ZNF451: variants seen among roughly 807,000 people sequenced by gnomAD.
ZNF451 encodes E3 SUMO-protein ligase ZNF451.
ZNF451 carries 80 observed loss-of-function variants against 107.1 expected under a neutral mutation model. The ratio of observed to expected loss-of-function variants is 0.75; its 90% CI spans 0.62 to 0.90. The LOEUF is 0.90. ZNF451 is among the 40% of genes least tolerant of loss of function. The pLI is 0.00. For missense variants in ZNF451, 1,107 were observed against 1,236.2 expected (o/e 0.90, Z 1.57); for synonymous variants, 362 against 406.5 (o/e 0.89, Z 1.32).
rs1593138747 is a variant in ZNF451 at position 57,136,543 on chromosome 6, G to A, written c.702+1673G>A. Among the ~76,000 whole-genome samples, 2 of 152,110 alleles carry A rather than the reference G, an allele frequency of 1.3e-5. 1 individual carries two copies. The highest frequency in any genetic ancestry group is 4.1e-4 in the South Asian group (2 of 4,828). ...ACATATTGAAGAAAGAAATGATAGG[G>A]TTATCCATTTCCATGACAAATGGAA... On this transcript the variant is annotated intron_variant, in intron 7 of 14. Coordinates refer to ENST00000370706, the MANE Select transcript of ZNF451 (RefSeq NM_001031623.3).
At chr6:57,107,795 A>G (rs986148681) in intron 3 of ZNF451, 3 of 981,416 alleles carry the variant, frequency 3.1e-6, no homozygotes, top group South Asian at 4.7e-5. Flanking sequence ...ATTCCTGAGT[A>G]TATTCCTTTG....
chr6:57,105,011 T>C, intron 3 of ZNF451: 1 of 982,944 alleles, frequency 1.0e-6, no homozygotes, highest in African/African-American at 1.7e-5. Context: ...TTTTTTATTA[T>C]TTTAAAATCT....
chr6:57,156,045 A>G (rs55675628), intron 13 of ZNF451, among the ~76,000 whole-genome samples: 105 of 151,898 alleles, frequency 6.9e-4, no homozygotes, highest in Non-Finnish European at 1.2e-3. Context: ...TTTTGTATTT[A>G]TATGGTTGTA....
At chr6:57,105,792 A>G in intron 3 of ZNF451, 1 of 985,448 alleles carries the variant, frequency 1.0e-6, no homozygotes, top group Non-Finnish European at 1.2e-6. Flanking sequence ...GGTTAGAATA[A>G]GCAAGGACAT....
rs145797539 is a variant in ZNF451 at position 57,147,814 on chromosome 6, A to G, written c.1729A>G (p.Thr577Ala). 1,720 of 1,614,126 alleles carry G rather than the reference A, an allele frequency of 1.1e-3. 31 individuals carry two copies. The South Asian group carries it at 0.018, about 17-fold the overall frequency. ...TGAAACTTTGCCATCATCCTCTACA[A>G]CATTGGATAATTTGACTGCTAACAA... ...EGETLPSSST[T>A]LDNLTANKPS... The change falls in exon 10 of 15, where the codon ACA (threonine) becomes GCA (alanine). Residue 577 changes from threonine to alanine, a missense_variant. Transcript: ENST00000370706.
intron 14 of ZNF451, chr6:57,164,733 A>G (rs553510014): frequency 1.3e-5 from 2 of 152,114 alleles, no homozygotes; most frequent in Non-Finnish European, 2.9e-5. Flanking sequence ...ATGATTGGGA[A>G]CCATTTCTAT....
chr6:57,166,295 T>C (rs879661400), intron 14 of ZNF451, among the ~76,000 whole-genome samples: 12 of 152,240 alleles, frequency 7.9e-5, no homozygotes, highest in Non-Finnish European at 1.5e-4. Context: ...TCCAAAGTAC[T>C]CGGATTAAGA....
At chr6:57,151,842 T>C (rs1024770844) in intron 11 of ZNF451, 3 of 159,942 alleles carry the variant, frequency 1.9e-5, no homozygotes, top group African/African-American at 7.2e-5. Context: ...TTAGCCAGTA[T>C]AATTGCTTTA....
intron 12 of ZNF451, 63 bp from the exon 13 acceptor site, chr6:57,153,798 A>T (rs376301607): frequency 6.6e-7 from 1 of 1,523,800 alleles, no homozygotes; most frequent in East Asian, 2.2e-5. Context: ...TCTGAAATAG[A>T]TGTAACTTGT....
At chr6:57,118,502 C>T (rs934156820) in intron 3 of ZNF451, among the ~76,000 whole-genome samples, 1 of 152,010 alleles carries the variant, frequency 6.6e-6, no homozygotes. Context: ...ACCTTTCTCC[C>T]CCTTTTTTTA....
intron 12 of ZNF451, among the ~76,000 whole-genome samples, chr6:57,152,838 C>G (rs1832413564): frequency 6.6e-6 from 1 of 152,178 alleles, no homozygotes; most frequent in Admixed American, 6.5e-5. Flanking sequence ...AAGTGATCTG[C>G]CCGCCTAGGC....
intron 2 of ZNF451, among the ~76,000 whole-genome samples, chr6:57,097,838 C>G (rs1254425558): frequency 6.6e-6 from 1 of 152,080 alleles, no homozygotes; most frequent in Non-Finnish European, 1.5e-5. Flanking sequence ...CTTTCTGTTT[C>G]TGCTTTCCAA....
chr6:57,120,273 G>A (rs1830576292), intron 3 of ZNF451, among the ~76,000 whole-genome samples: 1 of 152,094 alleles, frequency 6.6e-6, no homozygotes, highest in Admixed American at 6.6e-5. Context: ...TTTTAGCATT[G>A]AATAATGTTC....
chr6:57,161,138 T>C lies in ZNF451; in HGVS notation c.3125T>C (p.Phe1042Ser). The C allele has an allele frequency of 6.5e-7, 1 of 1,533,776 alleles. No homozygotes were observed. The highest frequency in any genetic ancestry group is 2.4e-5 in the East Asian group (1 of 42,084). Residue 1042 changes from phenylalanine to serine, a missense_variant, in exon 14 of 15, where the codon TTT becomes TCT. Physicochemically the swap from Phe to Ser is radical, Grantham distance 155. Around this residue, in one of 5 missense-constraint regions of ZNF451, gnomAD observed 151 missense variants for 173.3 expected, o/e 0.87. Transcript: ENST00000370706. ...AAAAATACTTCAATAGGAGAAGAAT[T>C]TATATCCACAGAAGGTAACCTAATA... is the stretch of plus-strand genomic sequence containing the variant. ...GAKNTSIGEE[F>S]ISTEDVELEE...
Position 57,096,767 on chromosome 6 carries a change from CTTTTTTTTTTTTT to C in ZNF451, c.106-2280_106-2268del, listed in dbSNP as rs772840052. 1.9e-4 allele frequency among the ~76,000 whole-genome samples: 15 copies of C among 79,952 alleles called. 1 individual carries two copies. In the East Asian group the frequency reaches 2.7e-3, roughly 14 times the overall value. The allele number at this position is 79,952 out of a possible 152,430, so 52.5% of individuals were successfully genotyped here. A position where few individuals can be genotyped will look rare whatever the true frequency, so the allele number is the denominator to read the frequency against. On this transcript the variant is annotated intron_variant, in intron 2 of 14. Coordinates refer to ENST00000370706, the MANE Select transcript of ZNF451 (RefSeq NM_001031623.3). ...TTGGATCGAACATACAATTTTCAGT[CTTTTTTTTTTTTT>C]TTTTTTTTTTTTTGTGACAGAGTCT...
intron 9 of ZNF451, among the ~76,000 whole-genome samples, chr6:57,146,734 A>AT (rs1456301150): frequency 2.0e-5 from 3 of 152,310 alleles, no homozygotes; most frequent in South Asian, 4.1e-4. Context: ...TCTTAACCAT[A>AT]GTGTTCTTAC....
At chr6:57,144,020 A>T (rs1475454693) in intron 9 of ZNF451, among the ~76,000 whole-genome samples, 3 of 152,110 alleles carry the variant, frequency 2.0e-5, no homozygotes, top group Admixed American at 2.0e-4. Context: ...CACAGAAAGT[A>T]GTTGCTTAGG....
At chr6:57,143,667 G>GA in intron 9 of ZNF451, among the ~76,000 whole-genome samples, 1 of 152,128 alleles carries the variant, frequency 6.6e-6, no homozygotes, top group East Asian at 1.9e-4. Flanking sequence ...TTTAACCATA[G>GA]AGTTACCATA....
At position 57,148,092 on chromosome 6, in the gene ZNF451, T is replaced by G; in HGVS notation, c.2007T>G (p.Cys669Trp). 1 of 1,614,082 alleles carries G rather than the reference T, an allele frequency of 6.2e-7. No individual in the cohort carries two copies. ...ATGAGATAAAGATTAAATACTTCTGTGGGCTTTGTGATCTTATCTTTAATG... is the reference window on the plus strand; with the variant it reads ...ATGAGATAAAGATTAAATACTTCTGGGGGCTTTGTGATCTTATCTTTAATG... ...HDNEIKIKYF[C>W]GLCDLIFNVE... Residue 669 changes from cysteine to tryptophan, a missense_variant, in exon 10 of 15, where the codon TGT (cysteine) becomes TGG (tryptophan). Cys to Trp is a radical substitution (Grantham distance 215). Coordinates refer to ENST00000370706, the MANE Select transcript of ZNF451 (RefSeq NM_001031623.3).
Sources: allele counts gnomAD v4.1 joint callset (sites outside exome capture counted in the v4.1 genomes callset), GRCh38; gene constraint gnomAD v4.1.1; regional missense constraint gnomAD v4.1.1; transcripts MANE v1.5; gene names NCBI Gene and HGNC (gene_info 2026-07-23, HGNC 2026-07-21).